CACNA2D3: variants seen among roughly 807,000 people sequenced by gnomAD.
CACNA2D3 encodes calcium voltage-gated channel auxiliary subunit alpha2delta 3, also known as voltage-dependent calcium channel subunit alpha-2/delta-3.
CACNA2D3 carries 60 observed loss-of-function variants against 160.6 expected under a neutral mutation model. The ratio of observed to expected loss-of-function variants is 0.37; its 90% CI spans 0.30 to 0.46. The LOEUF (loss-of-function observed/expected upper bound fraction) is 0.46, where lower values mean the gene tolerates loss of function less well. Among genes scored for constraint, CACNA2D3 ranks in the 20% least tolerant of loss-of-function variants. The probability of loss-of-function intolerance (pLI) is 1.00; values close to 1 mark genes in which losing one functional copy is unlikely to be tolerated. For synonymous variants in CACNA2D3, 558 were observed against 492.9 expected (o/e 1.13, Z -1.75); for missense variants, 1,205 against 1,365.0 (o/e 0.88, Z 1.85).
chr3:54,777,339 A>G (rs2107123020), intron 13 of CACNA2D3, among the ~76,000 whole-genome samples: 1 of 152,238 alleles, frequency 6.6e-6, no homozygotes, highest in Middle Eastern at 3.4e-3. Context: ...TATGAGTGAA[A>G]TGGCCATTGA....
chr3:54,891,940 A>G (rs1304288838), intron 25 of CACNA2D3, among the ~76,000 whole-genome samples: 1 of 152,138 alleles, frequency 6.6e-6, no homozygotes, highest in Admixed American at 6.5e-5. Flanking sequence ...CACACCCAGG[A>G]GTGGGCCCTC....
rs1437751204 is a variant in CACNA2D3, at chr3:54,846,373, T to C, written c.1552-20T>C. 1 of 1,567,504 alleles carries C rather than the reference T, an allele frequency of 6.4e-7. No individual in the cohort carries two copies. The highest frequency in any genetic ancestry group is 1.7e-5 in the Admixed American group (1 of 57,312). On this transcript the variant is annotated intron_variant, in intron 16 of 37. Transcript: ENST00000474759. ...CAGGGAGCAAGCTAATGAAGGTTTC[T>C]TTCTTGCTTCCTCTTACAGTTAGGG...
At chr3:54,563,363 G>A (rs894523579) in intron 6 of CACNA2D3, among the ~76,000 whole-genome samples, 65 of 152,112 alleles carry the variant, frequency 4.3e-4, no homozygotes, top group African/African-American at 1.5e-3. Flanking sequence ...AATTTGAACC[G>A]GATTTGTCCA....
chr3:54,164,986 C>T (rs1700423078), intron 2 of CACNA2D3, among the ~76,000 whole-genome samples: 1 of 152,224 alleles, frequency 6.6e-6, no homozygotes, highest in Non-Finnish European at 1.5e-5. Flanking sequence ...TCTGCCACCT[C>T]TGTTACTGCC....
At chr3:54,982,239 T>TA (rs1211677369) in intron 29 of CACNA2D3, among the ~76,000 whole-genome samples, 3 of 152,140 alleles carry the variant, frequency 2.0e-5, no homozygotes, top group Non-Finnish European at 4.4e-5. Context: ...GAGAGGGACT[T>TA]TACTGAGAGG....
chr3:54,736,604 C>A (rs1010431368), intron 11 of CACNA2D3, among the ~76,000 whole-genome samples: 1 of 152,246 alleles, frequency 6.6e-6, no homozygotes, highest in South Asian at 2.1e-4. Context: ...AGGCAAAAAA[C>A]AAACAAAAAT....
intron 2 of CACNA2D3, among the ~76,000 whole-genome samples, chr3:54,220,805 C>G (rs1344841891): frequency 2.0e-5 from 3 of 152,174 alleles, no homozygotes; most frequent in East Asian, 3.8e-4. Context: ...CTGAGGGTGT[C>G]CTGCTCAGCT....
chr3:54,461,384 C>G (rs373650180), intron 4 of CACNA2D3, among the ~76,000 whole-genome samples: 1 of 151,000 alleles, frequency 6.6e-6, no homozygotes, highest in African/African-American at 2.4e-5. Context: ...TGGTAGAATT[C>G]GGCTGTGAAT....
At chr3:54,500,508 C>CCTAT in intron 4 of CACNA2D3, among the ~76,000 whole-genome samples, 1 of 90,260 alleles carries the variant, frequency 1.1e-5, no homozygotes, top group South Asian at 4.1e-4. Flanking sequence ...TTCCTATCTT[C>CCTAT]CTTCCTTCCT....
intron 2 of CACNA2D3, among the ~76,000 whole-genome samples, chr3:54,317,510 C>T (rs1703889599): frequency 6.6e-6 from 1 of 152,144 alleles, no homozygotes; most frequent in Non-Finnish European, 1.5e-5. Context: ...GAGAGCCAAG[C>T]CTGAGAGCAA....
intron 29 of CACNA2D3, among the ~76,000 whole-genome samples, chr3:54,981,991 C>T (rs943376133): frequency 5.9e-5 from 9 of 152,106 alleles, no homozygotes; most frequent in African/African-American, 2.2e-4. Flanking sequence ...AAAAGACTCA[C>T]CTATTGCAGT....
intron 13 of CACNA2D3, among the ~76,000 whole-genome samples, chr3:54,790,130 C>G (rs1040549365): frequency 6.6e-6 from 1 of 152,130 alleles, no homozygotes; most frequent in South Asian, 2.1e-4. Flanking sequence ...GCCAGAGGAC[C>G]CGGTTTCAAA....
intron 4 of CACNA2D3, among the ~76,000 whole-genome samples, chr3:54,412,658 G>T: frequency 9.3e-6 from 1 of 107,062 alleles, no homozygotes. Flanking sequence ...GAATGGTTTA[G>T]TCATTTACAC....
chr3:54,145,725 A>G (rs968465144), intron 2 of CACNA2D3, among the ~76,000 whole-genome samples: 3 of 152,218 alleles, frequency 2.0e-5, no homozygotes, highest in African/African-American at 7.2e-5. Context: ...GACAAGTGAG[A>G]TAGACCAACA....
chr3:54,898,162 CTTTCTTTTCT>C lies in CACNA2D3; in HGVS notation c.2368+1317_2368+1326del, dbSNP rs10530912. On this transcript the variant is annotated intron_variant, in intron 26 of 37. Transcript: ENST00000474759. ...CTTTTTTCTTTCTTTCTTTCTTTAT[CTTTCTTTTCT>C]TTTCTTTTCTTTTCTTTTCTTTTCC... is the stretch of plus-strand genomic sequence containing the variant. 1.2e-3 allele frequency among the ~76,000 whole-genome samples: 139 copies of C among 119,050 alleles called. 1 individual carries two copies. Among genetic ancestry groups the C allele is most frequent in the Middle Eastern group, 8.4e-3 (2 of 238 alleles). The allele number at this position is 119,050 out of a possible 152,430, so 78.1% of individuals were successfully genotyped here. A position where few individuals can be genotyped will look rare whatever the true frequency, so the allele number is the denominator to read the frequency against.
In CACNA2D3 at chr3:54,689,569, C is replaced by G. The variant is rs566592294; in HGVS notation, c.1167+47328C>G. Among the ~76,000 whole-genome samples the G allele has an allele frequency of 6.6e-5, 10 of 152,278 alleles. No homozygotes were observed. In the South Asian group the frequency reaches 1.9e-3, roughly 28 times the overall value. On this transcript the variant is annotated intron_variant, in intron 11 of 37. Coordinates refer to ENST00000474759, the MANE Select transcript of CACNA2D3 (RefSeq NM_018398.3). ...AACTACCTCCCCAACTGGTTCTTCC[C>G]TCAGCCACCCCCAGTGTGTTCGAGA...
rs551357990 is a variant in CACNA2D3 at position 54,812,858 on chromosome 3, C to T, written c.1381-3995C>T. On this transcript the variant is annotated intron_variant, in intron 13 of 37. Coordinates refer to ENST00000474759, the MANE Select transcript of CACNA2D3 (RefSeq NM_018398.3). ...TATTGTCTGTTTCCTCACCTGTAAA[C>T]TGAGAAGATACTAATATCTAATCCA... Among the ~76,000 whole-genome samples, 5 of 152,308 alleles carry T rather than the reference C, an allele frequency of 3.3e-5. No individual in the cohort carries two copies. In the South Asian group the frequency reaches 1.0e-3, roughly 32 times the overall value.
chr3:54,971,902 C>T (rs1311600374), intron 29 of CACNA2D3, among the ~76,000 whole-genome samples: 7 of 152,100 alleles, frequency 4.6e-5, no homozygotes, highest in African/African-American at 1.4e-4. Context: ...TAGAAATATC[C>T]ACCTCACAGA....
In CACNA2D3 at chr3:54,472,072, A is replaced by G. The variant is rs571523318; in HGVS notation, c.382-31420A>G. Among the ~76,000 whole-genome samples the G allele has an allele frequency of 2.6e-5, 4 of 152,332 alleles. No homozygotes were observed. The South Asian group carries it at 8.3e-4, about 32-fold the overall frequency. On this transcript the variant is annotated intron_variant, in intron 4 of 37. Coordinates refer to ENST00000474759, the MANE Select transcript of CACNA2D3 (RefSeq NM_018398.3). ...TGAGGCCAGCATCATCCTGATACCA[A>G]AACCTGGCAGAGACACAAGAAAAAA... is the stretch of plus-strand genomic sequence containing the variant.
Sources: allele counts gnomAD v4.1 joint callset (sites outside exome capture counted in the v4.1 genomes callset), GRCh38; gene constraint gnomAD v4.1.1; transcripts MANE v1.5; gene names NCBI Gene and HGNC (gene_info 2026-07-23, HGNC 2026-07-21).